Variants in VRK2 observed in about 807,000 individuals in gnomAD.
VRK2 encodes VRK serine/threonine kinase 2.
VRK2 carries 60 observed loss-of-function variants against 57.6 expected under a neutral mutation model. That is an observed-to-expected ratio of 1.04 (90% CI 0.85 to 1.29). The LOEUF (loss-of-function observed/expected upper bound fraction) is 1.29. Ranked by LOEUF, VRK2 falls within the 50% of genes most tolerant of loss-of-function variation. VRK2 has a pLI of 0.00. For missense variants in VRK2, 705 were observed against 588.1 expected (o/e 1.20, Z -2.06); for synonymous variants, 231 against 199.2 (o/e 1.16, Z -1.35).
chr2:58,119,047 TCTTCAGTTA>T (rs1333000780), intron 7 of VRK2, among the ~76,000 whole-genome samples: 1 of 152,164 alleles, frequency 6.6e-6, no homozygotes, highest in African/African-American at 2.4e-5. Context: ...CTTTTGTGAT[TCTTCAGTTA>T]CTTCAGGCCA....
At chr2:57,928,574 T>C (rs1244607053) in intron 1 of VRK2, among the ~76,000 whole-genome samples, 1 of 152,172 alleles carries the variant, frequency 6.6e-6, no homozygotes, top group African/African-American at 2.4e-5. Context: ...CAGGTTTTCC[T>C]GGAAGGTCTT....
chr2:57,931,730 A>T (rs975211587), intron 1 of VRK2, among the ~76,000 whole-genome samples: 1 of 151,622 alleles, frequency 6.6e-6, no homozygotes, highest in African/African-American at 2.4e-5. Context: ...CCTCTAAGAG[A>T]TTTATAGCTT....
chr2:58,119,510 A>G (rs1216880880), intron 7 of VRK2, among the ~76,000 whole-genome samples: 1 of 151,034 alleles, frequency 6.6e-6, no homozygotes, highest in Non-Finnish European at 1.5e-5. Flanking sequence ...TAGCATGCCA[A>G]AGTGCTGTAA....
chr2:58,019,193 A>G (rs963934518), intron 1 of VRK2, among the ~76,000 whole-genome samples: 1 of 152,260 alleles, frequency 6.6e-6, no homozygotes, highest in African/African-American at 2.4e-5. Flanking sequence ...TGACCACGTT[A>G]AACATTAGAA....
At chr2:58,080,466 A>G (rs183385235) in intron 2 of VRK2, among the ~76,000 whole-genome samples, 70 of 151,804 alleles carry the variant, frequency 4.6e-4, no homozygotes, top group African/African-American at 1.3e-3. Flanking sequence ...ATCTTTCACT[A>G]TTTTTGTTGC....
intron 1 of VRK2, among the ~76,000 whole-genome samples, chr2:57,918,037 C>T (rs577429373): frequency 1.6e-4 from 25 of 152,136 alleles, no homozygotes; most frequent in African/African-American, 6.0e-4. Flanking sequence ...ATTAGACCAC[C>T]AGATTTCAAC....
At chr2:58,150,689 T>C (rs1682888778) in intron 12 of VRK2, among the ~76,000 whole-genome samples, 1 of 151,388 alleles carries the variant, frequency 6.6e-6, no homozygotes, top group African/African-American at 2.4e-5. Context: ...TGCATTTAAT[T>C]TATTCTTTCA....
chr2:58,118,423 T>C (rs1441805128), intron 7 of VRK2, among the ~76,000 whole-genome samples: 2 of 152,174 alleles, frequency 1.3e-5, no homozygotes, highest in Middle Eastern at 3.2e-3. Context: ...CCTTTGTCTC[T>C]ACCAGAAAAT....
At chr2:58,141,975 A>C (rs1681411762) in intron 11 of VRK2, among the ~76,000 whole-genome samples, 1 of 151,960 alleles carries the variant, frequency 6.6e-6, no homozygotes, top group Non-Finnish European at 1.5e-5. Flanking sequence ...TTACTTTATA[A>C]ATGGGTTTAT....
intron 8 of VRK2, among the ~76,000 whole-genome samples, chr2:58,130,602 T>C (rs1409453752): frequency 1.3e-5 from 2 of 152,208 alleles, no homozygotes; most frequent in African/African-American, 4.8e-5. Flanking sequence ...GTAGTTACGA[T>C]GTGTTGGCAT....
chr2:57,967,766 C>T (rs1392495152), intron 1 of VRK2, among the ~76,000 whole-genome samples: 1 of 150,430 alleles, frequency 6.6e-6, no homozygotes, highest in East Asian at 1.9e-4. Context: ...CCTTAATCAG[C>T]TTTTCATTAA....
intron 1 of VRK2, among the ~76,000 whole-genome samples, chr2:58,007,220 C>T (rs1673275280): frequency 6.9e-6 from 1 of 145,660 alleles, no homozygotes. Flanking sequence ...CTCTCTCCCT[C>T]TCTCTCTCTC....
chr2:57,973,756 T>C (rs1329024528), intron 1 of VRK2, among the ~76,000 whole-genome samples: 2 of 151,874 alleles, frequency 1.3e-5, no homozygotes, highest in Admixed American at 6.6e-5. Flanking sequence ...GACAACTTCC[T>C]GAGAGGTTTT....
chr2:58,123,230 G>A lies in VRK2; in HGVS notation c.673G>A (p.Val225Ile). 1 of 1,576,956 alleles carries A rather than the reference G, an allele frequency of 6.3e-7. No homozygotes were observed. ...TACCAGCTTGGATGCCCACAAGGGA[G>A]TAGGTGGGTTTCTTTTTTCTTTTTC... ...EFTSLDAHKG[V>I]ALSRRSDVEI... Residue 225 changes from valine (V) to isoleucine (I), a missense_variant, in exon 8 of 13, where the codon GTA becomes ATA. Coordinates refer to ENST00000340157, the MANE Select transcript of VRK2 (RefSeq NM_006296.7).
chr2:57,928,663 T>TA (rs552524110), intron 1 of VRK2, among the ~76,000 whole-genome samples: 37 of 152,296 alleles, frequency 2.4e-4, no homozygotes, highest in African/African-American at 7.9e-4. Context: ...TGGGCCTGTT[T>TA]ATACCCATCC....
Position 58,088,352 on chromosome 2 carries a change from TGGTAATG to T in VRK2, c.358_364del (p.Val120LysfsTer3), listed in dbSNP as rs1558619697. 6.2e-7 allele frequency: 1 copy of T among 1,608,074 alleles called. No homozygotes were observed. Among genetic ancestry groups the T allele is most frequent in the South Asian group, 1.1e-5 (1 of 89,946 alleles). The stretch of plus-strand genomic sequence containing the variant: ...CTTTTTTCTTACAGTTACAGATTTA[TGGTAATG>T]GAAAGACTAGGAATAGATTTACAGA... On this transcript the variant is annotated frameshift_variant, in exon 6 of 13. Transcript: ENST00000340157. LOFTEE classifies it high-confidence loss of function.
In VRK2 at chr2:57,980,074, A is replaced by G. The variant is rs192908034; in HGVS notation, c.-438-45591A>G. 9.2e-5 allele frequency among the ~76,000 whole-genome samples: 14 copies of G among 152,044 alleles called. No individual in the cohort carries two copies. In the East Asian group the frequency reaches 2.3e-3, roughly 25 times the overall value. On this transcript the variant is annotated intron_variant, in intron 1 of 15. Coordinates refer to the VRK2 transcript ENST00000417641. ...TGATTTTGGTTATTTCTTTTCTGCT[A>G]CCTTTGGGGTTGGTTTGCTCTTATT...
chr2:57,968,609 T>C (rs1671994193), intron 1 of VRK2, among the ~76,000 whole-genome samples: 1 of 152,118 alleles, frequency 6.6e-6, no homozygotes, highest in African/African-American at 2.4e-5. Flanking sequence ...AATGCCATTT[T>C]AAGATTATCG....
At chr2:58,137,192 A>ACATGTAT (rs1680520606) in intron 10 of VRK2, among the ~76,000 whole-genome samples, 3 of 55,102 alleles carry the variant, frequency 5.4e-5, no homozygotes. Context: ...CATATATGAT[A>ACATGTAT]CATATATATC....
Sources: allele counts gnomAD v4.1 joint callset (sites outside exome capture counted in the v4.1 genomes callset), GRCh38; gene constraint gnomAD v4.1.1; transcripts MANE v1.5; gene names NCBI Gene and HGNC (gene_info 2026-07-23, HGNC 2026-07-21).